CRHR1: variants seen among roughly 807,000 people sequenced by gnomAD.
CRHR1 encodes the protein corticotropin releasing hormone receptor 1, also known as corticotropin-releasing hormone receptor 1.
Under a neutral mutation model 56.0 loss-of-function variants are expected in CRHR1, and 28 were observed. That is an observed-to-expected ratio of 0.50 (90% CI 0.37 to 0.69). CRHR1 has a LOEUF of 0.69. CRHR1 is among the 30% of genes least tolerant of loss of function. The pLI, the probability that CRHR1 is intolerant of heterozygous loss-of-function variation, is 0.00. For synonymous variants in CRHR1, 195 were observed against 216.5 expected (o/e 0.90, Z 0.87); for missense variants, 376 against 548.0 (o/e 0.69, Z 3.13).
At chr17:45,828,868 G>A (rs1172379091) in intron 4 of CRHR1, among the ~76,000 whole-genome samples, 1 of 152,198 alleles carries the variant, frequency 6.6e-6, no homozygotes, top group Non-Finnish European at 1.5e-5. Flanking sequence ...CTGACTGGGT[G>A]GCAGCATGGG....
rs559001094 is a variant in CRHR1, at chr17:45,832,393, G to C, written c.771-745G>C. Reference sequence around the variant, plus strand: ...CTTGCAGACCAGAGGCCCGAGGACTGGACCCGGCCCTCAGAAGCTGTGTGT... The same window carrying C: ...CTTGCAGACCAGAGGCCCGAGGACTCGACCCGGCCCTCAGAAGCTGTGTGT... On this transcript the variant is annotated intron_variant, in intron 8 of 12. Coordinates refer to ENST00000314537, the MANE Select transcript of CRHR1 (RefSeq NM_004382.5). Among the ~76,000 whole-genome samples the C allele has an allele frequency of 7.8e-4, 119 of 152,368 alleles. 1 individual carries two copies. The highest frequency in any genetic ancestry group is 5.9e-5 in the Non-Finnish European group (4 of 68,038).
chr17:45,835,010 C>T lies in CRHR1; in HGVS notation c.*246C>T. 1.8e-6 allele frequency: 1 copy of T among 558,858 alleles called. No homozygotes were observed. The allele number at this position is 558,858 out of a possible 1,614,324, so 34.6% of individuals were successfully genotyped here. A position where few individuals can be genotyped will look rare whatever the true frequency, so the allele number is the denominator to read the frequency against. The stretch of plus-strand genomic sequence containing the variant: ...GCCTCTGGCTTCCCTGCCCAATCCT[C>T]CCTGGAGAAGGGACATGGGAATGAA... On this transcript the variant is annotated 3_prime_UTR_variant, in exon 13 of 13. Transcript: ENST00000314537.
intron 2 of CRHR1, among the ~76,000 whole-genome samples, chr17:45,812,771 T>C (rs1022423282): frequency 1.3e-5 from 2 of 152,072 alleles, no homozygotes; most frequent in African/African-American, 4.8e-5. Context: ...TTTTCCTCTG[T>C]CTCCCCACCT....
intron 2 of CRHR1, among the ~76,000 whole-genome samples, chr17:45,813,201 C>T (rs1320649236): frequency 6.6e-6 from 1 of 152,172 alleles, no homozygotes; most frequent in African/African-American, 2.4e-5. Flanking sequence ...GAGCGTGGCG[C>T]CTGAGGCCCT....
chr17:45,816,723 C>A, intron 3 of CRHR1, 141 bp downstream of exon 3: 1 of 1,348,128 alleles, frequency 7.4e-7, no homozygotes, highest in Admixed American at 2.4e-5. Context: ...CAAAGGTCAG[C>A]GCTGTATTCT....
At chr17:45,790,556 A>G (rs2061408074) in intron 1 of CRHR1, among the ~76,000 whole-genome samples, 1 of 152,208 alleles carries the variant, frequency 6.6e-6, no homozygotes, top group South Asian at 2.1e-4. Context: ...CTGCCCTATA[A>G]GCACAGGCAA....
chr17:45,791,677 C>T (rs1324246840), intron 1 of CRHR1, among the ~76,000 whole-genome samples: 3 of 151,996 alleles, frequency 2.0e-5, no homozygotes, highest in Admixed American at 6.6e-5. Flanking sequence ...GGAGAGCCTT[C>T]GGCGCAGAGA....
At chr17:45,832,758 C>T (rs1425667785) in intron 8 of CRHR1, among the ~76,000 whole-genome samples, 1 of 152,236 alleles carries the variant, frequency 6.6e-6, no homozygotes, top group Non-Finnish European at 1.5e-5. Context: ...AGGTGTGGTG[C>T]CACTCCCACC....
chr17:45,819,976 C>A (rs577781799), intron 3 of CRHR1, among the ~76,000 whole-genome samples: 2 of 152,336 alleles, frequency 1.3e-5, no homozygotes, highest in Admixed American at 1.3e-4. Flanking sequence ...AGTCCAGCCC[C>A]TCCTTTTATA....
intron 9 of CRHR1, 32 bp from the exon 10 acceptor site, chr17:45,833,420 C>T: frequency 6.2e-7 from 1 of 1,610,700 alleles, no homozygotes; most frequent in Non-Finnish European, 8.5e-7. Flanking sequence ...GCCTCTTGCA[C>T]ACTCCGGCCC....
At chr17:45,789,723 G>A (rs915161760) in intron 1 of CRHR1, among the ~76,000 whole-genome samples, 3 of 152,186 alleles carry the variant, frequency 2.0e-5, no homozygotes, top group African/African-American at 7.2e-5. Context: ...CTCTAGGCCA[G>A]CCATCCCTTA....
chr17:45,828,208 T>C (rs2062208101), intron 4 of CRHR1, among the ~76,000 whole-genome samples: 1 of 152,004 alleles, frequency 6.6e-6, no homozygotes, highest in Admixed American at 6.6e-5. Context: ...TGGGCAGGAG[T>C]CTGCAGAGAG....
At chr17:45,806,585 C>T (rs1023830802) in intron 1 of CRHR1, among the ~76,000 whole-genome samples, 1 of 152,110 alleles carries the variant, frequency 6.6e-6, no homozygotes, top group Non-Finnish European at 1.5e-5. Flanking sequence ...ATGTCAGCGG[C>T]CATGGTGGTC....
Position 45,784,469 on chromosome 17 carries a change from C to T in CRHR1, c.-76C>T. 3.5e-6 allele frequency: 5 copies of T among 1,435,684 alleles called. No homozygotes were observed. In the South Asian group the frequency reaches 6.7e-5, roughly 19 times the overall value. The allele number at this position is 1,435,684 out of a possible 1,614,324, so 88.9% of individuals were successfully genotyped here. A position where few individuals can be genotyped will look rare whatever the true frequency, so the allele number is the denominator to read the frequency against. On this transcript the variant is annotated 5_prime_UTR_variant, in exon 1 of 13. Transcript: ENST00000314537. The surrounding 1 kb of genome is among the most constrained non-coding windows in gnomAD (Gnocchi z 4.2). ...GCCGCCCACCCCGTGCCGCCCGAGCCCGCAGCCGCCCGCCGGTCCCTCTGG... is the reference window on the plus strand; with the variant it reads ...GCCGCCCACCCCGTGCCGCCCGAGCTCGCAGCCGCCCGCCGGTCCCTCTGG...
At chr17:45,827,752 A>G (rs1318655720) in intron 4 of CRHR1, 3 of 152,266 alleles carry the variant, frequency 2.0e-5, no homozygotes, top group Non-Finnish European at 4.4e-5. Context: ...GCTCCTTCAG[A>G]AGGGCCTTGG....
intron 1 of CRHR1, among the ~76,000 whole-genome samples, chr17:45,805,699 T>C (rs539242850): frequency 2.0e-4 from 30 of 152,276 alleles, no homozygotes; most frequent in Admixed American, 1.2e-3. Context: ...GGAACTCTGC[T>C]GGTGGCCGGG....
chr17:45,798,456 G>A (rs1489490095), intron 1 of CRHR1, among the ~76,000 whole-genome samples: 8 of 151,534 alleles, frequency 5.3e-5, no homozygotes, highest in Admixed American at 1.3e-4. Context: ...AACCCAGGAG[G>A]TAGAGGTTGC....
At chr17:45,809,713 G>A (rs767286480) in intron 2 of CRHR1, among the ~76,000 whole-genome samples, 6 of 152,262 alleles carry the variant, frequency 3.9e-5, no homozygotes, top group South Asian at 2.1e-4. Context: ...ATGGATGGGC[G>A]TCTGGCCGGG....
At chr17:45,811,715 G>A (rs951314139) in intron 2 of CRHR1, among the ~76,000 whole-genome samples, 1 of 152,180 alleles carries the variant, frequency 6.6e-6, no homozygotes, top group Admixed American at 6.5e-5. Context: ...CACTTTCCCC[G>A]CAGGTTTTCT....
Sources: gnomAD v4.1 joint callset for allele counts (sites outside exome capture counted in the v4.1 genomes callset) on GRCh38, gnomAD v4.1.1 for gene constraint, Gnocchi (gnomAD v3.1) non-coding constraint, MANE v1.5 for transcripts, NCBI Gene and HGNC (gene_info 2026-07-23, HGNC 2026-07-21) for gene names.